Variants in WDPCP observed in about 807,000 individuals in gnomAD.
The protein encoded by WDPCP is WD repeat containing planar cell polarity effector, also known as WD repeat-containing and planar cell polarity effector protein fritz homolog.
In WDPCP, 71 loss-of-function variants were observed where a neutral mutation model predicts 93.1. The ratio of observed to expected loss-of-function variants is 0.76; its 90% CI spans 0.63 to 0.93. The LOEUF is 0.93. WDPCP is among the 40% of genes least tolerant of loss of function. WDPCP has a pLI of 0.00. For missense variants in WDPCP, 844 were observed against 887.4 expected, an observed-to-expected ratio of 0.95 and a Z score of 0.62; for synonymous variants, 315 against 315.0, an observed-to-expected ratio of 1.00 and a Z score of 0.00.
chr2:63,197,875 C>G (rs996340252), intron 14 of WDPCP, among the ~76,000 whole-genome samples: 5 of 152,152 alleles, frequency 3.3e-5, no homozygotes, highest in Non-Finnish European at 7.4e-5. Flanking sequence ...CTGGATAATA[C>G]AGAATAATTT....
chr2:63,354,712 G>GTA (rs947633235), intron 12 of WDPCP, among the ~76,000 whole-genome samples: 2 of 140,618 alleles, frequency 1.4e-5, no homozygotes, highest in African/African-American at 5.3e-5. Context: ...ATGTATATAT[G>GTA]TATGTGTGTG....
At chr2:63,836,357 T>C in the WDPCP span, among the ~76,000 whole-genome samples, 1 of 152,200 alleles carries the variant, frequency 6.6e-6, no homozygotes, top group Non-Finnish European at 1.5e-5. Context: ...CAACAGGGAA[T>C]CTTTCATATA....
intron 3 of WDPCP, chr2:63,597,692 T>A: frequency 2.3e-6 from 2 of 869,844 alleles, no homozygotes; most frequent in Non-Finnish European, 3.1e-6. Context: ...CAATCATCAG[T>A]AAATACGGCT....
At chr2:63,493,773 A>G (rs1463880588) in intron 1 of WDPCP, among the ~76,000 whole-genome samples, 1 of 152,122 alleles carries the variant, frequency 6.6e-6, no homozygotes, top group Non-Finnish European at 1.5e-5. Flanking sequence ...GGAAATAAAC[A>G]TAGTACTATA....
chr2:63,751,703 C>G, intron 2 of WDPCP: 1 of 524,272 alleles, frequency 1.9e-6, no homozygotes, highest in South Asian at 1.6e-5. Context: ...AAAATCTTCT[C>G]CCATTGCTGT....
intron 2 of WDPCP, among the ~76,000 whole-genome samples, chr2:63,666,295 T>C (rs1397245842): frequency 2.0e-5 from 3 of 152,182 alleles, no homozygotes; most frequent in Non-Finnish European, 4.4e-5. Flanking sequence ...CAAATTCAAA[T>C]AGTTTTTGAG....
intron 14 of WDPCP, among the ~76,000 whole-genome samples, chr2:63,240,931 A>G (rs905162101): frequency 6.6e-6 from 1 of 152,206 alleles, no homozygotes. Flanking sequence ...GTTTTGGAAT[A>G]TAGTAATCTA....
At chr2:63,484,044 C>T (rs190517556) in intron 6 of WDPCP, among the ~76,000 whole-genome samples, 7 of 152,010 alleles carry the variant, frequency 4.6e-5, no homozygotes, top group African/African-American at 1.7e-4. Flanking sequence ...CACTTAAATG[C>T]GGGTAGTGCA....
chr2:63,297,020 A>T (rs913185330), intron 13 of WDPCP, among the ~76,000 whole-genome samples: 1 of 152,228 alleles, frequency 6.6e-6, no homozygotes, highest in Non-Finnish European at 1.5e-5. Context: ...TGAAAGCATC[A>T]CATTATCTGA....
rs565191211 is a variant in WDPCP at position 63,717,684 on chromosome 2, G to A, written n.309-66846C>T. ...TCTGTCCAAAATCCTCTTAGAGCAG[G>A]GCAAGGCCAAGAATCCTTGGCCCAA... On this transcript the variant is annotated intron_variant and non_coding_transcript_variant, in intron 2 of 4. Transcript: ENST00000467687. The A allele has an allele frequency of 4.4e-4, 213 of 488,940 alleles. 1 individual carries two copies. The highest frequency in any genetic ancestry group is 7.4e-4 in the Non-Finnish European group (181 of 244,532). 30.3% of individuals were successfully genotyped at this position (488,940 alleles called of 1,614,324 possible). A position where few individuals can be genotyped will look rare whatever the true frequency, so the allele number is the denominator to read the frequency against.
chr2:63,792,967 C>T (rs1575774475), intron 2 of WDPCP, among the ~76,000 whole-genome samples: 1 of 151,232 alleles, frequency 6.6e-6, no homozygotes, highest in East Asian at 1.9e-4. Context: ...AAGTGTTTGA[C>T]AATTCCTCCT....
intron 3 of WDPCP, among the ~76,000 whole-genome samples, chr2:63,647,451 C>T (rs914112205): frequency 6.6e-6 from 1 of 152,052 alleles, no homozygotes; most frequent in Admixed American, 6.5e-5. Context: ...TTTCAAATAG[C>T]CTGTCTTGAT....
At chr2:63,285,987 A>C (rs1174951061) in intron 13 of WDPCP, among the ~76,000 whole-genome samples, 1 of 102,000 alleles carries the variant, frequency 9.8e-6, no homozygotes, top group African/African-American at 4.6e-5. Context: ...AAGGTCATGA[A>C]ACAAGTTTCT....
chr2:63,621,876 TC>T (rs1473108946), intron 3 of WDPCP, among the ~76,000 whole-genome samples: 3 of 51,184 alleles, frequency 5.9e-5, no homozygotes, highest in African/African-American at 1.1e-4. Context: ...TATTCAACAT[TC>T]TTTTTTTTTT....
At chr2:63,455,435 TATATACACACAC>T (rs1698555470) in intron 6 of WDPCP, among the ~76,000 whole-genome samples, 1 of 146,428 alleles carries the variant, frequency 6.8e-6, no homozygotes, top group Non-Finnish European at 1.5e-5. Context: ...TATATATATA[TATATACACACAC>T]ACACACACAC....
At chr2:63,663,571 A>C (rs1710252299) in intron 2 of WDPCP, among the ~76,000 whole-genome samples, 1 of 152,082 alleles carries the variant, frequency 6.6e-6, no homozygotes, top group Non-Finnish European at 1.5e-5. Flanking sequence ...GATCATTTGA[A>C]CTCTGGCTAT....
chr2:63,243,848 C>T (rs552981197), intron 14 of WDPCP, among the ~76,000 whole-genome samples: 46 of 152,158 alleles, frequency 3.0e-4, no homozygotes, highest in African/African-American at 9.9e-4. Context: ...GACTTCAACT[C>T]GACACTTGGC....
intron 17 of WDPCP, among the ~76,000 whole-genome samples, chr2:63,131,811 C>T (rs72813403): frequency 2.0e-4 from 29 of 148,594 alleles, no homozygotes; most frequent in Non-Finnish European, 3.7e-4. Flanking sequence ...ATTTGAAGGA[C>T]AGTTTTGCTA....
intron 2 of WDPCP, among the ~76,000 whole-genome samples, chr2:63,774,655 T>C (rs992145731): frequency 6.6e-6 from 1 of 152,152 alleles, no homozygotes; most frequent in Non-Finnish European, 1.5e-5. Flanking sequence ...TCTTCCTCCA[T>C]TGTTCTAAAT....
Sources: allele counts gnomAD v4.1 joint callset (sites outside exome capture counted in the v4.1 genomes callset), GRCh38; gene constraint gnomAD v4.1.1; transcripts MANE v1.5; gene names NCBI Gene and HGNC (gene_info 2026-07-23, HGNC 2026-07-21).